The following ITSN2 variants were observed in gnomAD, a reference collection of about 807,000 sequenced individuals.
The protein encoded by ITSN2 is intersectin-2.
Under a neutral mutation model 243.7 loss-of-function variants are expected in ITSN2, and 156 were observed. The observed-to-expected ratio is 0.64, with a 90% CI of 0.56 to 0.73. ITSN2 has a LOEUF of 0.73. ITSN2 is among the 30% of genes least tolerant of loss of function. The probability of loss-of-function intolerance (pLI) is 0.00; values close to 1 mark genes in which losing one functional copy is unlikely to be tolerated. For synonymous variants in ITSN2, 703 were observed against 699.9 expected, an observed-to-expected ratio of 1.00 and a Z score of -0.07; for missense variants, 1,801 against 1,996.1, an observed-to-expected ratio of 0.90 and a Z score of 1.86.
At chr2:24,266,698 G>A (rs1478764723) in intron 20 of ITSN2, among the ~76,000 whole-genome samples, 1 of 151,248 alleles carries the variant, frequency 6.6e-6, no homozygotes, top group Admixed American at 6.6e-5. Context: ...GGAAGCCAAG[G>A]TAAGAGGGTT....
chr2:24,293,632 C>A, intron 15 of ITSN2, 56 bp downstream of exon 15: 1 of 667,608 alleles, frequency 1.5e-6, no homozygotes, highest in Non-Finnish European at 2.6e-6. Context: ...AACAATGTGA[C>A]TGATACAGTC....
At chr2:24,346,343 A>G (rs1050044114) in intron 1 of ITSN2, among the ~76,000 whole-genome samples, 11 of 152,332 alleles carry the variant, frequency 7.2e-5, no homozygotes, top group African/African-American at 2.4e-4. Flanking sequence ...AAGCATGACA[A>G]ATCATCAAAT....
At chr2:24,215,320 T>C (rs1215948824) in intron 32 of ITSN2, among the ~76,000 whole-genome samples, 1 of 152,230 alleles carries the variant, frequency 6.6e-6, no homozygotes, top group Non-Finnish European at 1.5e-5. Flanking sequence ...TTGTCCAAGT[T>C]TATTCATCTA....
intron 2 of ITSN2, among the ~76,000 whole-genome samples, chr2:24,317,385 C>CAAAAAAA (rs780304772): frequency 1.8e-5 from 2 of 113,472 alleles, no homozygotes; most frequent in African/African-American, 6.5e-5. Flanking sequence ...GACGCAATCT[C>CAAAAAAA]AAAAAAAAAA....
chr2:24,298,627 C>T (rs755611210), intron 13 of ITSN2, 38 bp downstream of exon 13: 17 of 1,576,850 alleles, frequency 1.1e-5, no homozygotes, highest in Non-Finnish European at 1.3e-5. Context: ...GTAGCTCCAT[C>T]ATCATTCAGA....
At chr2:24,219,682 T>C (rs1225712681) in intron 30 of ITSN2, among the ~76,000 whole-genome samples, 2 of 152,206 alleles carry the variant, frequency 1.3e-5, no homozygotes, top group African/African-American at 2.4e-5. Context: ...CCAGACCTGA[T>C]GCTTCACTCC....
At chr2:24,247,501 G>A (rs1164729863) in intron 27 of ITSN2, among the ~76,000 whole-genome samples, 2 of 152,120 alleles carry the variant, frequency 1.3e-5, no homozygotes, top group Non-Finnish European at 2.9e-5. Flanking sequence ...CAGAACTTGA[G>A]AGTAGTCTTG....
chr2:24,227,466 A>G (rs1340850883), intron 29 of ITSN2, among the ~76,000 whole-genome samples: 1 of 152,208 alleles, frequency 6.6e-6, no homozygotes, highest in Non-Finnish European at 1.5e-5. Flanking sequence ...TAGGTAGTCT[A>G]TTAAAAGAAA....
chr2:24,315,753 C>T (rs1183307002), intron 2 of ITSN2, among the ~76,000 whole-genome samples: 1 of 152,106 alleles, frequency 6.6e-6, no homozygotes, highest in Non-Finnish European at 1.5e-5. Context: ...TAAAGTGTGG[C>T]ACTTCCCCCC....
At chr2:24,294,038 CA>C (rs1319761454) in intron 14 of ITSN2, among the ~76,000 whole-genome samples, 1 of 152,136 alleles carries the variant, frequency 6.6e-6, no homozygotes, top group Non-Finnish European at 1.5e-5. Flanking sequence ...TAGAAGCCTA[CA>C]ATTTTCAGCT....
At chr2:24,291,759 AT>A (rs1680290024) in intron 15 of ITSN2, among the ~76,000 whole-genome samples, 3 of 152,306 alleles carry the variant, frequency 2.0e-5, no homozygotes, top group Admixed American at 1.3e-4. Flanking sequence ...AAGTGCTAGG[AT>A]TGCAGGCATG....
chr2:24,246,770 G>A, intron 28 of ITSN2, 27 bp downstream of exon 28: 2 of 1,348,604 alleles, frequency 1.5e-6, no homozygotes. Context: ...CCTCTAAAAT[G>A]AAATACAAAT....
chr2:24,271,792 T>C lies in ITSN2; in HGVS notation c.2231A>G (p.Asp744Gly), dbSNP rs1264974436. ...KAEEKQRKDK[D>G]TLKAEEKKRE... is the part of the protein sequence containing the mutation. ...TTTTTTCTCCTCAGCTTTCAAAGTATCCTTATCCTTACGTTGTTTCTCCTC... is the reference window on the plus strand; with the variant it reads ...TTTTTTCTCCTCAGCTTTCAAAGTACCCTTATCCTTACGTTGTTTCTCCTC... The change falls in exon 19 of 40, where the codon GAT becomes GGT. Residue 744 changes from aspartate to glycine, a missense_variant. Transcript: ENST00000355123. The C allele has an allele frequency of 1.3e-6, 2 of 1,598,918 alleles. No individual in the cohort carries two copies. Among genetic ancestry groups the C allele is most frequent in the Admixed American group, 3.5e-5 (2 of 56,422 alleles).
chr2:24,204,109 A>C lies in ITSN2; in HGVS notation c.4936+136T>G. 1 of 876,852 alleles carries C rather than the reference A, an allele frequency of 1.1e-6. No individual in the cohort carries two copies. 54.3% of individuals were successfully genotyped at this position (876,852 alleles called of 1,614,324 possible). On this transcript the variant is annotated intron_variant, in intron 39 of 39. Coordinates refer to ENST00000355123, the MANE Select transcript of ITSN2 (RefSeq NM_006277.3). The surrounding 1 kb of genome is among the most constrained non-coding windows in gnomAD (Gnocchi z 5.1). ...TGAGGAAGGCCACCCACCTGCTGCC[A>C]AAGCGAGATGACACAGGCCTGTGTC...
In ITSN2 at chr2:24,204,321, G is replaced by A. The variant is rs2151068624; in HGVS notation, c.4860C>T (p.Cys1620=). Residue 1620 remains cysteine (C), a synonymous_variant, in exon 39 of 40, where the codon TGC becomes TGT. Transcript: ENST00000355123. The surrounding 1 kb of genome is among the most constrained non-coding windows in gnomAD (Gnocchi z 5.1). ...DTLNPKWNFN[C]QFFIKDLYQD... ...GGTAGAGATCCTTAATAAAGAACTG[G>A]CAGTTAAAATTCCACTTGGGATTGA... 1.9e-6 allele frequency: 3 copies of A among 1,614,120 alleles called. No individual in the cohort carries two copies. Among genetic ancestry groups the A allele is most frequent in the East Asian group, 2.2e-5 (1 of 44,890 alleles).
At chr2:24,236,111 A>C (rs2551178) in intron 29 of ITSN2, among the ~76,000 whole-genome samples, 148,885 of 152,244 alleles carry the variant, frequency 0.98, 72,797 homozygotes, top group East Asian at 0.99. Context: ...TGTCCACTAA[A>C]TAATGAATGA....
intron 12 of ITSN2, 96 bp from the exon 13 acceptor site, chr2:24,298,910 G>A: frequency 8.9e-7 from 1 of 1,117,556 alleles, no homozygotes; most frequent in Non-Finnish European, 1.3e-6. Flanking sequence ...GCAGAGTTTA[G>A]CACTTAGTGG....
chr2:24,221,093 A>C, intron 29 of ITSN2, 27 bp from the exon 30 acceptor site: 1 of 1,593,200 alleles, frequency 6.3e-7, no homozygotes, highest in African/African-American at 1.4e-5. Context: ...GTAGTTTAAA[A>C]TATTACTTTA....
intron 15 of ITSN2, among the ~76,000 whole-genome samples, chr2:24,289,063 CT>C (rs1195022732): frequency 2.0e-5 from 3 of 152,146 alleles, no homozygotes; most frequent in Non-Finnish European, 4.4e-5. Context: ...ATGCTTCCAA[CT>C]TTGTTTTTCT....
Sources: allele counts gnomAD v4.1 joint callset (sites outside exome capture counted in the v4.1 genomes callset), GRCh38; gene constraint gnomAD v4.1.1; non-coding constraint Gnocchi (gnomAD v3.1); transcripts MANE v1.5; gene names NCBI Gene and HGNC (gene_info 2026-07-23, HGNC 2026-07-21).